FGF13: variants seen among roughly 807,000 people sequenced by gnomAD.
The protein encoded by FGF13 is fibroblast growth factor homologous factor 2.
In FGF13, 2 loss-of-function variants were observed where a neutral mutation model predicts 19.5. That is an observed-to-expected ratio of 0.10 (90% CI 0.04 to 0.32). The LOEUF (loss-of-function observed/expected upper bound fraction) is 0.32. Among genes scored for constraint, FGF13 ranks in the 10% least tolerant of loss-of-function variants. The pLI is 1.00. For synonymous variants in FGF13, 72 were observed against 76.9 expected (o/e 0.94, Z 0.33); for missense variants, 113 against 192.7 (o/e 0.59, Z 2.45).
chrX:139,015,064 T>G (rs1468904630), intron 1 of FGF13, among the ~76,000 whole-genome samples: 1 of 110,956 alleles, frequency 9.0e-6, no homozygotes, highest in Non-Finnish European at 1.9e-5. Flanking sequence ...AAGGAACATA[T>G]CTCAACATAA....
intron 3 of FGF13, chrX:138,807,016 A>G (rs748780466): frequency 9.0e-6 from 1 of 111,436 alleles, no homozygotes; most frequent in Non-Finnish European, 1.9e-5. Flanking sequence ...AAAGGTCTAC[A>G]GCAAAATTGG....
chrX:138,775,534 C>A (rs1027550144), intron 3 of FGF13, among the ~76,000 whole-genome samples: 2 of 111,980 alleles, frequency 1.8e-5, no homozygotes, highest in Admixed American at 1.9e-4. Context: ...TTTAAATTAA[C>A]AAAGTCTCCA....
At chrX:139,063,436 T>C (rs1045373692) in intron 1 of FGF13, among the ~76,000 whole-genome samples, 1 of 111,581 alleles carries the variant, frequency 9.0e-6, no homozygotes, top group Non-Finnish European at 1.9e-5. Context: ...CCAATAAAAA[T>C]AGTGGTGAGA....
At position 138,624,487 on chromosome X, in the gene FGF13, T is replaced by C. The variant is rs2089040511; in HGVS notation, c.*8363A>G. 8.9e-6 allele frequency: 1 copy of C among 112,436 alleles called. No homozygotes were observed. Among genetic ancestry groups the C allele is most frequent in the African/African-American group, 3.2e-5 (1 of 30,946 alleles). The allele number at this position is 112,436 out of a possible 1,213,427, so 9.3% of individuals were successfully genotyped here. On this transcript the variant is annotated 3_prime_UTR_variant, in exon 5 of 5. Transcript: ENST00000315930. ...GTAAAATTACTAGAATAAGAAATAA[T>C]GTCTATGGCATTGGTCTTGGCAATA...
intron 1 of FGF13, among the ~76,000 whole-genome samples, chrX:138,904,202 A>G (rs1374051624): frequency 9.0e-6 from 1 of 111,662 alleles, no homozygotes; most frequent in Non-Finnish European, 1.9e-5. Context: ...GTGTCAAGAT[A>G]CTTTAAGTAT....
rs12007763 is a variant in FGF13 at position 139,146,385 on chromosome X, G to T, written c.-113+57031C>A. On this transcript the variant is annotated intron_variant, in intron 1 of 2. Transcript: ENST00000421460. ...CATGAAAAAATGCTCATCATCACCG[G>T]CCATCAGAGAAATGCAAATCAAAAC... 7.3e-3 allele frequency among the ~76,000 whole-genome samples: 822 copies of T among 112,267 alleles called. 5 individuals carry two copies. Among genetic ancestry groups the T allele is most frequent in the African/African-American group, 0.026 (791 of 30,897 alleles).
chrX:139,028,858 C>T (rs900452241), intron 1 of FGF13, among the ~76,000 whole-genome samples: 1 of 109,718 alleles, frequency 9.1e-6, no homozygotes, highest in Non-Finnish European at 1.9e-5. Context: ...AAGATGCCCA[C>T]TGCCAAATAC....
intron 3 of FGF13, among the ~76,000 whole-genome samples, chrX:138,652,138 C>T (rs2089382344): frequency 9.0e-6 from 1 of 111,011 alleles, no homozygotes; most frequent in Non-Finnish European, 1.9e-5. Context: ...CAAGCTTGTC[C>T]CTTTAATATG....
At chrX:138,646,329 T>C (rs2089306149) in intron 3 of FGF13, among the ~76,000 whole-genome samples, 1 of 111,929 alleles carries the variant, frequency 8.9e-6, no homozygotes, top group African/African-American at 3.3e-5. Context: ...GGAGAACTAA[T>C]CCAGTGCAGG....
At chrX:138,756,480 C>T (rs1054790286) in intron 3 of FGF13, among the ~76,000 whole-genome samples, 5 of 112,621 alleles carry the variant, frequency 4.4e-5, no homozygotes, top group African/African-American at 9.7e-5. Flanking sequence ...CTAATGATTG[C>T]TCCTTCAGGC....
intron 3 of FGF13, among the ~76,000 whole-genome samples, chrX:138,780,778 T>C (rs771163316): frequency 9.0e-6 from 1 of 110,701 alleles, no homozygotes; most frequent in South Asian, 3.9e-4. Flanking sequence ...TCAACAAGGA[T>C]ACCCAGGAAT....
chrX:138,943,748 AG>A (rs1403310201), intron 1 of FGF13, among the ~76,000 whole-genome samples: 1 of 111,719 alleles, frequency 9.0e-6, no homozygotes, highest in Non-Finnish European at 1.9e-5. Context: ...AAAGCAAAAG[AG>A]GAGGGTGAAT....
chrX:138,954,131 A>T (rs1319892673), intron 1 of FGF13, among the ~76,000 whole-genome samples: 2 of 91,418 alleles, frequency 2.2e-5, no homozygotes, highest in Non-Finnish European at 4.6e-5. Flanking sequence ...AGGAGAGAGC[A>T]TACAAATTAC....
intron 3 of FGF13, among the ~76,000 whole-genome samples, chrX:138,659,213 T>G (rs1234189580): frequency 8.9e-6 from 1 of 112,100 alleles, no homozygotes; most frequent in Non-Finnish European, 1.9e-5. Context: ...TGCATGCCTA[T>G]AGTCCCAGCT....
At chrX:139,126,802 A>G (rs1177342550) in intron 1 of FGF13, among the ~76,000 whole-genome samples, 1 of 110,948 alleles carries the variant, frequency 9.0e-6, no homozygotes, top group Non-Finnish European at 1.9e-5. Flanking sequence ...CTATTTCCAA[A>G]TCTTTCTCCA....
chrX:139,139,831 C>A (rs1193027029), intron 1 of FGF13, among the ~76,000 whole-genome samples: 1 of 111,530 alleles, frequency 9.0e-6, no homozygotes, highest in African/African-American at 3.3e-5. Flanking sequence ...GAGAAAAATG[C>A]GTACAAAGGC....
At chrX:139,134,762 C>T (rs1180732027) in intron 1 of FGF13, among the ~76,000 whole-genome samples, 6 of 112,261 alleles carry the variant, frequency 5.3e-5, no homozygotes, top group African/African-American at 1.9e-4. Context: ...AGTTCTCCTG[C>T]CTCAGCCTCC....
At chrX:138,866,595 C>G in intron 1 of FGF13, among the ~76,000 whole-genome samples, 1 of 110,662 alleles carries the variant, frequency 9.0e-6, no homozygotes, top group Non-Finnish European at 1.9e-5. Flanking sequence ...CCACTTACCA[C>G]CAGTGTGACC....
intron 1 of FGF13, among the ~76,000 whole-genome samples, chrX:138,875,689 G>A (rs1426873194): frequency 9.0e-6 from 1 of 111,045 alleles, no homozygotes; most frequent in Non-Finnish European, 1.9e-5. Flanking sequence ...TAGAACAAGA[G>A]GACTGATCCT....
Sources: allele counts gnomAD v4.1 joint callset (sites outside exome capture counted in the v4.1 genomes callset), GRCh38; gene constraint gnomAD v4.1.1; transcripts MANE v1.5; gene names NCBI Gene and HGNC (gene_info 2026-07-23, HGNC 2026-07-21).